The following ENTREP2 variants were observed in gnomAD, a reference collection of about 807,000 sequenced individuals.
ENTREP2 encodes endosomal transmembrane epsin interactor 2, also known as protein ENTREP2.
chr15:29,391,913 C>T, the ENTREP2 span, among the ~76,000 whole-genome samples: 4 of 152,224 alleles, frequency 2.6e-5, no homozygotes, highest in East Asian at 7.7e-4. Flanking sequence ...CAAGCTCCGC[C>T]TCCCGGGTTC....
At chr15:29,458,349 G>A in the ENTREP2 span, among the ~76,000 whole-genome samples, 1 of 152,158 alleles carries the variant, frequency 6.6e-6, no homozygotes, top group African/African-American at 2.4e-5. Context: ...TGATTCAAAT[G>A]TTTATCTCTT....
the ENTREP2 span, among the ~76,000 whole-genome samples, chr15:29,421,447 T>C: frequency 6.6e-6 from 1 of 152,190 alleles, no homozygotes. Flanking sequence ...AGAATTTGTA[T>C]CTTATTTAGA....
At chr15:29,626,317 T>C in the ENTREP2 span, among the ~76,000 whole-genome samples, 13 of 152,192 alleles carry the variant, frequency 8.5e-5, no homozygotes, top group South Asian at 2.1e-4. Context: ...GTGGAGACAA[T>C]TGAATCATGG....
At chr15:29,573,805 G>A in the ENTREP2 span, among the ~76,000 whole-genome samples, 1 of 151,836 alleles carries the variant, frequency 6.6e-6, no homozygotes, top group Non-Finnish European at 1.5e-5. Flanking sequence ...TTTTAATTTG[G>A]TCTGTTGGTG....
chr15:29,441,694 G>T, the ENTREP2 span, among the ~76,000 whole-genome samples: 1 of 151,946 alleles, frequency 6.6e-6, no homozygotes, highest in Non-Finnish European at 1.5e-5. Context: ...GTATTTACAT[G>T]CATCATCCCA....
chr15:29,392,605 C>T, the ENTREP2 span, among the ~76,000 whole-genome samples: 2,836 of 152,184 alleles, frequency 0.019, 106 homozygotes, highest in African/African-American at 0.065. Flanking sequence ...CATCTCCTTG[C>T]CTTTAGTATT....
the ENTREP2 span, chr15:29,124,575 C>T: frequency 5.7e-5 from 49 of 863,734 alleles, no homozygotes; most frequent in Admixed American, 7.5e-5. Context: ...CCCCCATTCC[C>T]GGGGGTGGGG....
the ENTREP2 span, among the ~76,000 whole-genome samples, chr15:29,207,288 C>A: frequency 2.3e-4 from 35 of 152,058 alleles, no homozygotes; most frequent in Middle Eastern, 3.4e-3. Context: ...CCGTGGCTTC[C>A]TGGTCTCACC....
At chr15:29,532,328 A>T in the ENTREP2 span, among the ~76,000 whole-genome samples, 2 of 152,252 alleles carry the variant, frequency 1.3e-5, no homozygotes, top group African/African-American at 4.8e-5. Flanking sequence ...AAATCTGATT[A>T]AAATGTAGTT....
chr15:29,517,417 C>G, the ENTREP2 span, among the ~76,000 whole-genome samples: 1 of 152,116 alleles, frequency 6.6e-6, no homozygotes, highest in Non-Finnish European at 1.5e-5. Flanking sequence ...GGATTTGAAC[C>G]CAGCTGTCTG....
chr15:29,314,990 T>C, the ENTREP2 span, among the ~76,000 whole-genome samples: 188 of 152,256 alleles, frequency 1.2e-3, no homozygotes, highest in Middle Eastern at 3.4e-3. Flanking sequence ...AGGCGGAGGT[T>C]GCAGTGAGCC....
the ENTREP2 span, among the ~76,000 whole-genome samples, chr15:29,646,464 A>G: frequency 6.6e-6 from 1 of 152,140 alleles, no homozygotes; most frequent in Non-Finnish European, 1.5e-5. Flanking sequence ...GTCCTTCTCT[A>G]CGTGAGGCCC....
At chr15:29,436,247 C>G in the ENTREP2 span, among the ~76,000 whole-genome samples, 1 of 152,136 alleles carries the variant, frequency 6.6e-6, no homozygotes. Context: ...GTAACATACT[C>G]AGATTATCTT....
the ENTREP2 span, among the ~76,000 whole-genome samples, chr15:29,607,614 C>G: frequency 6.6e-6 from 1 of 152,154 alleles, no homozygotes; most frequent in Non-Finnish European, 1.5e-5. Context: ...GACTATGTCT[C>G]TCTGCCATGA....
the ENTREP2 span, among the ~76,000 whole-genome samples, chr15:29,127,550 G>A: frequency 1.3e-5 from 2 of 152,154 alleles, no homozygotes; most frequent in Admixed American, 1.3e-4. Flanking sequence ...CTGCAGAAAT[G>A]GGCTTAGACA....
At chr15:29,151,991 A>C in the ENTREP2 span, 4 of 650,350 alleles carry the variant, frequency 6.2e-6, no homozygotes, top group East Asian at 8.2e-5. Flanking sequence ...TTTTCCTCAT[A>C]ATCAAAATTG....
chr15:29,493,794 T>C, the ENTREP2 span, among the ~76,000 whole-genome samples: 1 of 151,782 alleles, frequency 6.6e-6, no homozygotes, highest in Non-Finnish European at 1.5e-5. Flanking sequence ...CTGGCCAATA[T>C]GGTGAAACCT....
chr15:29,355,595 C>A, the ENTREP2 span, among the ~76,000 whole-genome samples: 2 of 151,976 alleles, frequency 1.3e-5, no homozygotes, highest in African/African-American at 2.4e-5. Flanking sequence ...CAGAACAAAT[C>A]ATTCTGTTCT....
At chr15:29,163,238 T>C in the ENTREP2 span, among the ~76,000 whole-genome samples, 1 of 152,066 alleles carries the variant, frequency 6.6e-6, no homozygotes, top group African/African-American at 2.4e-5. Context: ...GCTGGTAATA[T>C]GACAAAATAA....
Sources: gnomAD v4.1 joint callset for allele counts (sites outside exome capture counted in the v4.1 genomes callset) on GRCh38, gnomAD v4.1.1 for gene constraint, MANE v1.5 for transcripts, NCBI Gene and HGNC (gene_info 2026-07-23, HGNC 2026-07-21) for gene names.